Variants in SH3BP4 observed in about 807,000 individuals in gnomAD.
SH3BP4 encodes SH3 domain binding protein 4.
In SH3BP4, 33 loss-of-function variants were observed where a neutral mutation model predicts 65.5. That is an observed-to-expected ratio of 0.50 (90% CI 0.38 to 0.67). The LOEUF is 0.67. Ranked by LOEUF, SH3BP4 falls within the 30% of genes least tolerant of loss-of-function variation. SH3BP4 has a pLI of 0.00. For synonymous variants in SH3BP4, 552 were observed against 545.5 expected, an observed-to-expected ratio of 1.01 and a Z score of -0.17; for missense variants, 1,134 against 1,261.4, an observed-to-expected ratio of 0.90 and a Z score of 1.53.
Position 235,014,225 on chromosome 2 carries a change from G to A in SH3BP4, c.-133+18849G>A, listed in dbSNP as rs74488546. Among the ~76,000 whole-genome samples the A allele has an allele frequency of 3.2e-3, 494 of 152,290 alleles. 3 individuals are homozygous for A. Among genetic ancestry groups the A allele is most frequent in the African/African-American group, 0.012 (479 of 41,554 alleles). On this transcript the variant is annotated intron_variant, in intron 2 of 5. Coordinates refer to ENST00000392011, the MANE Select transcript of SH3BP4 (RefSeq NM_014521.3). ...GCCTGATCCTTCAGGAATGTTTGGC[G>A]AGCAGGATCGGGCGATGCCGGATAC...
At chr2:234,973,361 C>T (rs1693053219) in intron 1 of SH3BP4, among the ~76,000 whole-genome samples, 1 of 152,192 alleles carries the variant, frequency 6.6e-6, no homozygotes, top group African/African-American at 2.4e-5. Flanking sequence ...CCCCTGTGCC[C>T]TCCCGGTTTT....
intron 1 of SH3BP4, among the ~76,000 whole-genome samples, chr2:234,962,988 G>T (rs542225163): frequency 6.6e-6 from 1 of 152,232 alleles, no homozygotes; most frequent in East Asian, 1.9e-4. Flanking sequence ...GATCCCAAGC[G>T]ATCCAACTGC....
intron 2 of SH3BP4, among the ~76,000 whole-genome samples, chr2:235,014,282 C>T (rs1286789482): frequency 6.6e-6 from 1 of 152,128 alleles, no homozygotes; most frequent in East Asian, 1.9e-4. Context: ...ACTCAGCGAG[C>T]GTGGAGGCTG....
chr2:235,040,555 A>G (rs1284201781), intron 3 of SH3BP4, among the ~76,000 whole-genome samples: 2 of 151,140 alleles, frequency 1.3e-5, no homozygotes, highest in Non-Finnish European at 2.9e-5. Context: ...TTTTAAGAAG[A>G]ATTTTAACGT....
At chr2:235,003,218 G>A (rs1694187089) in intron 2 of SH3BP4, among the ~76,000 whole-genome samples, 1 of 152,246 alleles carries the variant, frequency 6.6e-6, no homozygotes, top group African/African-American at 2.4e-5. Context: ...TTGGTCCTCT[G>A]TGGCAGGGAC....
intron 1 of SH3BP4, among the ~76,000 whole-genome samples, chr2:234,992,197 C>T (rs1480500273): frequency 1.3e-5 from 2 of 152,146 alleles, no homozygotes; most frequent in Non-Finnish European, 2.9e-5. Context: ...GGAGTTGGGG[C>T]GAGGTGGCAT....
rs570357792 is a variant in SH3BP4, at chr2:235,026,370, C to T, written c.-132-8501C>T. 6.6e-6 allele frequency among the ~76,000 whole-genome samples: 1 copy of T among 152,124 alleles called. No individual in the cohort carries two copies. Among genetic ancestry groups the T allele is most frequent in the Non-Finnish European group, 1.5e-5 (1 of 68,034 alleles). On this transcript the variant is annotated intron_variant, in intron 2 of 5. Coordinates refer to ENST00000392011, the MANE Select transcript of SH3BP4 (RefSeq NM_014521.3). The surrounding 1 kb of genome is among the most constrained non-coding windows in gnomAD (Gnocchi z 4.6). Reference sequence around the variant, plus strand: ...GGAACACCTAGTGACGACTCATGGCCCTTGTTTTCCCCGCATCTCTGGAGT... The same window carrying T: ...GGAACACCTAGTGACGACTCATGGCTCTTGTTTTCCCCGCATCTCTGGAGT...
intron 2 of SH3BP4, among the ~76,000 whole-genome samples, chr2:235,014,093 T>TA (rs200365903): frequency 0.014 from 2,145 of 149,292 alleles, 43 homozygotes; most frequent in African/African-American, 0.047. Flanking sequence ...TTAATCAACT[T>TA]AAAAAAAAAA....
At chr2:235,013,489 C>A (rs1177347980) in intron 2 of SH3BP4, among the ~76,000 whole-genome samples, 1 of 152,176 alleles carries the variant, frequency 6.6e-6, no homozygotes, top group Non-Finnish European at 1.5e-5. Context: ...AGAGCTGTGA[C>A]TAGGGATGGG....
In SH3BP4 at chr2:234,952,561, C is replaced by T. The variant is rs1464783715; in HGVS notation, c.-207+391C>T. ...ACCGGACGCGTCCTCGGGCGCAAAT[C>T]GGGGGGCGCGCTCGGCTCACGGGGG... On this transcript the variant is annotated intron_variant, in intron 1 of 5. Coordinates refer to ENST00000392011, the MANE Select transcript of SH3BP4 (RefSeq NM_014521.3). This position sits in a 1 kb window ranked among gnomAD's most constrained non-coding sequence, Gnocchi z 6.5. Among the ~76,000 whole-genome samples, 1 of 151,598 alleles carries T rather than the reference C, an allele frequency of 6.6e-6. No individual in the cohort carries two copies. The highest frequency in any genetic ancestry group is 1.5e-5 in the Non-Finnish European group (1 of 67,842).
Position 235,035,198 on chromosome 2 carries a change from T to A in SH3BP4, c.118+78T>A. The A allele has an allele frequency of 9.6e-7, 1 of 1,038,360 alleles. No homozygotes were observed. Among genetic ancestry groups the A allele is most frequent in the South Asian group, 1.3e-5 (1 of 77,368 alleles). The allele number at this position is 1,038,360 out of a possible 1,614,324, so 64.3% of individuals were successfully genotyped here. A position where few individuals can be genotyped will look rare whatever the true frequency, so the allele number is the denominator to read the frequency against. ...AGTTGGGATCCAAGAACTTTTCTGC[T>A]TTAAAGATTGCCAGTTTAGCATTCA... On this transcript the variant is annotated intron_variant, in intron 3 of 5. Transcript: ENST00000392011. This position sits in a 1 kb window ranked among gnomAD's most constrained non-coding sequence, Gnocchi z 5.0.
At chr2:235,044,820 C>T (rs1574848409) in intron 4 of SH3BP4, among the ~76,000 whole-genome samples, 2 of 152,138 alleles carry the variant, frequency 1.3e-5, no homozygotes, top group Non-Finnish European at 2.9e-5. Flanking sequence ...GGGCAGGAGT[C>T]GGGTGAGACC....
rs886643694 is a variant in SH3BP4 at position 235,042,782 on chromosome 2, C to A, written c.2013C>A (p.Asn671Lys). 3.7e-6 allele frequency: 6 copies of A among 1,614,050 alleles called. No individual in the cohort carries two copies. The African/African-American group carries it at 8.0e-5, about 22-fold the overall frequency. ...AGACTGTGGTGCGGCAGAACAAGAA[C>A]CACTACCTGCTGGAGTACAAGAAGG... ...LLKTVVRQNK[N>K]HYLLEYKKGD... The change falls in exon 4 of 6, where the codon AAC becomes AAA. Residue 671 changes from asparagine (N) to lysine (K), a missense_variant. Coordinates refer to ENST00000392011, the MANE Select transcript of SH3BP4 (RefSeq NM_014521.3). This position sits in a 1 kb window ranked among gnomAD's most constrained non-coding sequence, Gnocchi z 7.3.
rs1221112797 is a variant in SH3BP4 at position 234,967,146 on chromosome 2, TGA to T, written c.-207+14978_-207+14979del. On this transcript the variant is annotated intron_variant, in intron 1 of 5. Coordinates refer to ENST00000392011, the MANE Select transcript of SH3BP4 (RefSeq NM_014521.3). The surrounding 1 kb of genome is among the most constrained non-coding windows in gnomAD (Gnocchi z 4.6). ...GAACCATGGGGTTTAGGGACTTGTGTGAGCTGGGAAGTGCAGAAGCCAGGAGT... is the reference window on the plus strand; with the variant it reads ...GAACCATGGGGTTTAGGGACTTGTGTGCTGGGAAGTGCAGAAGCCAGGAGT... 1.3e-5 allele frequency among the ~76,000 whole-genome samples: 2 copies of T among 152,044 alleles called. No individual in the cohort carries two copies. The highest frequency in any genetic ancestry group is 4.8e-5 in the African/African-American group (2 of 41,390).
At chr2:234,973,150 A>T (rs1432767962) in intron 1 of SH3BP4, among the ~76,000 whole-genome samples, 1 of 152,186 alleles carries the variant, frequency 6.6e-6, no homozygotes, top group South Asian at 2.1e-4. Flanking sequence ...TCACAGAGAC[A>T]TTCTTTTTAG....
rs1318522893 is a variant in SH3BP4, at chr2:235,035,666, T to C, written c.118+546T>C. On this transcript the variant is annotated intron_variant, in intron 3 of 5. Coordinates refer to ENST00000392011, the MANE Select transcript of SH3BP4 (RefSeq NM_014521.3). The surrounding 1 kb of genome is among the most constrained non-coding windows in gnomAD (Gnocchi z 5.0). ...CTTTTTTTTTGCAGACAGCCCCATTTGGCCCCAGGGCCGTGCTTTACCAAC... is the reference window on the plus strand; with the variant it reads ...CTTTTTTTTTGCAGACAGCCCCATTCGGCCCCAGGGCCGTGCTTTACCAAC... Among the ~76,000 whole-genome samples, 1 of 152,242 alleles carries C rather than the reference T, an allele frequency of 6.6e-6. No homozygotes were observed. Among genetic ancestry groups the C allele is most frequent in the Non-Finnish European group, 1.5e-5 (1 of 68,042 alleles).
intron 3 of SH3BP4, among the ~76,000 whole-genome samples, chr2:235,038,249 T>TATATACTATATATTATATATACTATATAG (rs766333800): frequency 2.9e-5 from 1 of 34,424 alleles, no homozygotes; most frequent in African/African-American, 1.6e-4. Context: ...TATATATATA[T>TATATACTATATATTATATATACTATATAG]TATATATAAT....
intron 1 of SH3BP4, among the ~76,000 whole-genome samples, chr2:234,958,478 G>A (rs554819722): frequency 6.6e-6 from 1 of 152,194 alleles, no homozygotes; most frequent in South Asian, 2.1e-4. Context: ...GGCTGTTTGA[G>A]AGAGGGCGGT....
chr2:235,006,250 A>G (rs1694290668), intron 2 of SH3BP4, among the ~76,000 whole-genome samples: 2 of 151,894 alleles, frequency 1.3e-5, no homozygotes, highest in Admixed American at 6.6e-5. Flanking sequence ...TTCCGCGAGG[A>G]TTTTTTCTTT....
Sources: gnomAD v4.1 joint callset for allele counts (sites outside exome capture counted in the v4.1 genomes callset) on GRCh38, gnomAD v4.1.1 for gene constraint, Gnocchi (gnomAD v3.1) non-coding constraint, MANE v1.5 for transcripts, NCBI Gene and HGNC (gene_info 2026-07-23, HGNC 2026-07-21) for gene names.